The following MBOAT1 variants were observed in gnomAD, a reference collection of about 807,000 sequenced individuals.
MBOAT1 encodes membrane-bound glycerophospholipid O-acyltransferase 1.
Under a neutral mutation model 64.4 loss-of-function variants are expected in MBOAT1, and 67 were observed. The observed-to-expected ratio is 1.04, with a 90% CI of 0.85 to 1.27. The LOEUF (loss-of-function observed/expected upper bound fraction) is 1.27, where lower values mean the gene tolerates loss of function less well. MBOAT1 is among the 50% of genes most tolerant of loss of function. The pLI is 0.00. For synonymous variants in MBOAT1, 229 were observed against 218.9 expected, an observed-to-expected ratio of 1.05 and a Z score of -0.41; for missense variants, 563 against 604.6, an observed-to-expected ratio of 0.93 and a Z score of 0.72.
chr6:20,191,580 T>C (rs1472554102), intron 1 of MBOAT1, among the ~76,000 whole-genome samples: 1 of 152,182 alleles, frequency 6.6e-6, no homozygotes, highest in Non-Finnish European at 1.5e-5. Flanking sequence ...AGTTATGACT[T>C]GACCAGCACA....
intron 1 of MBOAT1, among the ~76,000 whole-genome samples, chr6:20,176,636 T>G (rs890367724): frequency 5.3e-5 from 8 of 152,062 alleles, no homozygotes; most frequent in African/African-American, 1.9e-4. Flanking sequence ...TAATTTTTAA[T>G]TTTTTTTGAG....
At chr6:20,162,069 G>A (rs139825079) in intron 1 of MBOAT1, among the ~76,000 whole-genome samples, 1 of 152,128 alleles carries the variant, frequency 6.6e-6, no homozygotes, top group Non-Finnish European at 1.5e-5. Flanking sequence ...CAAGGATACC[G>A]GTCATGTTGG....
At chr6:20,207,109 C>T (rs541127085) in intron 1 of MBOAT1, among the ~76,000 whole-genome samples, 2 of 152,244 alleles carry the variant, frequency 1.3e-5, no homozygotes, top group South Asian at 2.1e-4. Context: ...CATATTCATC[C>T]GTCTAAAAAT....
chr6:20,109,241 C>T (rs151007137), intron 12 of MBOAT1, among the ~76,000 whole-genome samples: 1 of 152,120 alleles, frequency 6.6e-6, no homozygotes, highest in South Asian at 2.1e-4. Flanking sequence ...TCTCAGAACA[C>T]GTCATAGTCC....
intron 1 of MBOAT1, among the ~76,000 whole-genome samples, chr6:20,190,869 C>CA (rs1486574673): frequency 6.6e-6 from 1 of 152,162 alleles, no homozygotes; most frequent in Admixed American, 6.5e-5. Context: ...CCACCAGGGA[C>CA]AGGGGACTCA....
chr6:20,174,265 A>C (rs1762280654), intron 1 of MBOAT1, among the ~76,000 whole-genome samples: 3 of 152,208 alleles, frequency 2.0e-5, no homozygotes, highest in African/African-American at 7.2e-5. Context: ...ATACGTTCTG[A>C]GAAACACGAC....
chr6:20,180,937 T>C (rs1762490851), intron 1 of MBOAT1, among the ~76,000 whole-genome samples: 1 of 152,174 alleles, frequency 6.6e-6, no homozygotes, highest in Admixed American at 6.5e-5. Context: ...GAAAGTGAAA[T>C]GACCAGGAAC....
chr6:20,138,039 CCTCT>C (rs1482703667), intron 4 of MBOAT1, among the ~76,000 whole-genome samples: 10 of 152,152 alleles, frequency 6.6e-5, no homozygotes, highest in Admixed American at 5.9e-4. Flanking sequence ...TGGTAAAATA[CCTCT>C]CTAACTGGCA....
intron 4 of MBOAT1, among the ~76,000 whole-genome samples, chr6:20,142,962 AC>A (rs1485231217): frequency 6.6e-6 from 1 of 152,158 alleles, no homozygotes; most frequent in Non-Finnish European, 1.5e-5. Flanking sequence ...TCCCAAAACA[AC>A]ACTCTTTACC....
chr6:20,122,714 C>T (rs1760528833), intron 8 of MBOAT1, among the ~76,000 whole-genome samples: 1 of 151,984 alleles, frequency 6.6e-6, no homozygotes, highest in South Asian at 2.1e-4. Context: ...TGAAAAAGAT[C>T]TAGAGATAGA....
intron 1 of MBOAT1, among the ~76,000 whole-genome samples, chr6:20,195,206 G>A (rs1762921455): frequency 6.6e-6 from 1 of 152,158 alleles, no homozygotes; most frequent in Non-Finnish European, 1.5e-5. Context: ...GCCTGTCTCA[G>A]CCTCCGAAAG....
chr6:20,152,438 T>C (rs957564837), intron 2 of MBOAT1, among the ~76,000 whole-genome samples, 186 bp downstream of exon 2: 3 of 152,014 alleles, frequency 2.0e-5, no homozygotes, highest in Admixed American at 2.0e-4. Flanking sequence ...GGTCAATTTA[T>C]TGGCTCTTAC....
Position 20,138,206 on chromosome 6 carries a change from GAA to G in MBOAT1, c.419+6012_419+6013del, listed in dbSNP as rs963988865. 1.5e-4 allele frequency among the ~76,000 whole-genome samples: 23 copies of G among 151,972 alleles called. 1 individual carries two copies. In the South Asian group the frequency reaches 3.7e-3, roughly 25 times the overall value. ...TAACACTGCTTAATAATGACAAAAAGAAAAAAAGACAACATACCCTTCGAGAA... is the reference window on the plus strand; with the variant it reads ...TAACACTGCTTAATAATGACAAAAAGAAAAAGACAACATACCCTTCGAGAA... On this transcript the variant is annotated intron_variant, in intron 4 of 12. Coordinates refer to ENST00000324607, the MANE Select transcript of MBOAT1 (RefSeq NM_001080480.3).
chr6:20,109,715 G>T lies in MBOAT1; in HGVS notation c.1244C>A (p.Ser415Ter). ...ATCATACACAGCCTTGAGAGCTCTT[G>T]AAGAAAGGAAGTAATGTCTGTAGTT... ...RNNYRHYFLS[S>*]RALKAVYDAG... The change falls in exon 12 of 13, where the codon TCA becomes TAA. Residue 415 changes from serine to a stop codon, truncating the protein, a stop_gained. Coordinates refer to ENST00000324607, the MANE Select transcript of MBOAT1 (RefSeq NM_001080480.3). LOFTEE classifies it high-confidence loss of function. 6.2e-7 allele frequency: 1 copy of T among 1,614,092 alleles called. No individual in the cohort carries two copies. Among genetic ancestry groups the T allele is most frequent in the Non-Finnish European group, 8.5e-7 (1 of 1,179,996 alleles).
chr6:20,117,900 G>A (rs1006270264), intron 9 of MBOAT1, among the ~76,000 whole-genome samples: 10 of 152,168 alleles, frequency 6.6e-5, no homozygotes, highest in Non-Finnish European at 1.0e-4. Flanking sequence ...CTCTGATAAT[G>A]AGAGCAGACC....
At chr6:20,179,546 C>G (rs1762449309) in intron 1 of MBOAT1, among the ~76,000 whole-genome samples, 1 of 152,116 alleles carries the variant, frequency 6.6e-6, no homozygotes, top group African/African-American at 2.4e-5. Context: ...TTTTCTTTAT[C>G]CAGTCTATCC....
chr6:20,124,540 T>A lies in MBOAT1; in HGVS notation c.775A>T (p.Thr259Ser). 1 of 1,614,192 alleles carries A rather than the reference T, an allele frequency of 6.2e-7. No homozygotes were observed. The highest frequency in any genetic ancestry group is 8.5e-7 in the Non-Finnish European group (1 of 1,180,030). ...AGGCAGGTGACAGGAAAGGTCTTCGTTAGCGTCAAAAACAAAAGGAGAGAC... is the reference window on the plus strand; with the variant it reads ...AGGCAGGTGACAGGAAAGGTCTTCGATAGCGTCAAAAACAAAAGGAGAGAC... ...LVSLLLFLTL[T>S]KTFPVTCLVD... Residue 259 changes from threonine (T) to serine (S), a missense_variant, in exon 8 of 13, where the codon ACG becomes TCG. Transcript: ENST00000324607.
At chr6:20,179,144 T>C (rs1297811703) in intron 1 of MBOAT1, among the ~76,000 whole-genome samples, 1 of 150,042 alleles carries the variant, frequency 6.7e-6, no homozygotes, top group Admixed American at 6.7e-5. Context: ...ATGCTTCAAG[T>C]CTACTATCTC....
At chr6:20,108,060 C>T (rs1312529499) in intron 12 of MBOAT1, among the ~76,000 whole-genome samples, 2 of 152,188 alleles carry the variant, frequency 1.3e-5, no homozygotes, top group Admixed American at 1.3e-4. Flanking sequence ...AGAATGCTGG[C>T]TTGGGGATAC....
Sources: gnomAD v4.1 joint callset for allele counts (sites outside exome capture counted in the v4.1 genomes callset) on GRCh38, gnomAD v4.1.1 for gene constraint, MANE v1.5 for transcripts, NCBI Gene and HGNC (gene_info 2026-07-23, HGNC 2026-07-21) for gene names.